DENND1B: variants seen among roughly 807,000 people sequenced by gnomAD.
DENND1B encodes DENN domain-containing protein 1B.
DENND1B carries 59 observed loss-of-function variants against 90.1 expected under a neutral mutation model. That is an observed-to-expected ratio of 0.65 (90% confidence interval 0.53 to 0.81). The LOEUF is 0.81. Ranked by LOEUF, DENND1B falls within the 40% of genes least tolerant of loss-of-function variation. DENND1B has a pLI of 0.00. For missense variants in DENND1B, 862 were observed against 912.6 expected (o/e 0.94, Z 0.71); for synonymous variants, 337 against 324.6 (o/e 1.04, Z -0.41).
At chr1:197,734,326 T>C (rs1662432069) in intron 2 of DENND1B, 2 of 955,872 alleles carry the variant, frequency 2.1e-6, no homozygotes, top group South Asian at 4.8e-5. Context: ...CATATGATGG[T>C]AGTGAAAGAT....
At chr1:197,553,144 CAAATA>C in intron 15 of DENND1B, 32 bp from the exon 16 acceptor site, 1 of 1,465,852 alleles carries the variant, frequency 6.8e-7, no homozygotes, top group Non-Finnish European at 9.1e-7. Flanking sequence ...TAAAATGTAT[CAAATA>C]AAATGTTATC....
chr1:197,635,952 G>T (rs1226654410), intron 10 of DENND1B, among the ~76,000 whole-genome samples: 1 of 150,174 alleles, frequency 6.7e-6, no homozygotes, highest in Non-Finnish European at 1.5e-5. Context: ...CAGATACATT[G>T]TAGTGACTGA....
At chr1:197,706,390 A>T (rs923422386) in intron 3 of DENND1B, among the ~76,000 whole-genome samples, 3 of 152,210 alleles carry the variant, frequency 2.0e-5, no homozygotes, top group Non-Finnish European at 4.4e-5. Context: ...CATAAAGAAA[A>T]CCTTAAAAGC....
intron 20 of DENND1B, among the ~76,000 whole-genome samples, chr1:197,521,419 T>C (rs1016880936): frequency 1.6e-4 from 24 of 151,866 alleles, no homozygotes; most frequent in East Asian, 1.9e-4. Context: ...ATAAGGGATA[T>C]AGGCAGACGA....
At chr1:197,676,023 G>T (rs1227082718) in intron 3 of DENND1B, among the ~76,000 whole-genome samples, 3 of 128,276 alleles carry the variant, frequency 2.3e-5, no homozygotes, top group African/African-American at 9.3e-5. Context: ...TTAAACCTCC[G>T]CACTCTTTAA....
intron 3 of DENND1B, among the ~76,000 whole-genome samples, chr1:197,685,359 G>C (rs1190961281): frequency 3.3e-5 from 5 of 152,128 alleles, no homozygotes; most frequent in Non-Finnish European, 1.5e-5. Context: ...TAACTTGGAA[G>C]GGAGACAACC....
In DENND1B at chr1:197,623,033, T is replaced by C. The variant is rs1678315238; in HGVS notation, c.673-5274A>G. 2.0e-5 allele frequency among the ~76,000 whole-genome samples: 3 copies of C among 151,312 alleles called. No homozygotes were observed. The Admixed American group carries it at 2.0e-4, about 10-fold the overall frequency. ...CAGGTAAAGGTATCATATAGACACA[T>C]TGCTACTCACACTATTCTAGCCTCT... is the stretch of plus-strand genomic sequence containing the variant. On this transcript the variant is annotated intron_variant, in intron 10 of 22. Transcript: ENST00000620048.
rs117900051 is a variant in DENND1B, at chr1:197,587,964, A to G, written c.1048-4711T>C. 6.7e-4 allele frequency among the ~76,000 whole-genome samples: 102 copies of G among 152,152 alleles called. No homozygotes were observed. In the East Asian group the frequency reaches 0.02, roughly 29 times the overall value. ...CCTAGATCCCTCACATATGCAGTTCATAATAGGGGTTTTGCTCCTATGAGA... is the reference window on the plus strand; with the variant it reads ...CCTAGATCCCTCACATATGCAGTTCGTAATAGGGGTTTTGCTCCTATGAGA... On this transcript the variant is annotated intron_variant, in intron 14 of 22. Transcript: ENST00000620048.
rs117605922 is a variant in DENND1B, at chr1:197,582,597, C to T, written c.1149+555G>A. 4.2e-3 allele frequency among the ~76,000 whole-genome samples: 641 copies of T among 152,230 alleles called. 15 individuals are homozygous for T. In the East Asian group the frequency reaches 0.046, roughly 11 times the overall value. On this transcript the variant is annotated intron_variant, in intron 15 of 22. Transcript: ENST00000620048. ...GACAGAAGCAGTGCATCCAAAATTT[C>T]TGAAATCTGATGTCTAGTTACTGCT...
intron 3 of DENND1B, among the ~76,000 whole-genome samples, chr1:197,705,995 G>A (rs1659495777): frequency 7.9e-5 from 1 of 12,658 alleles, no homozygotes; most frequent in Non-Finnish European, 1.4e-4. Flanking sequence ...CTTTTTGAGT[G>A]TAATTTCTAA....
chr1:197,660,166 A>G (rs1023764389), intron 5 of DENND1B, among the ~76,000 whole-genome samples: 7 of 151,940 alleles, frequency 4.6e-5, no homozygotes, highest in African/African-American at 1.7e-4. Flanking sequence ...AGTTTAGATG[A>G]TAACTCCAGA....
intron 2 of DENND1B, among the ~76,000 whole-genome samples, chr1:197,721,094 G>A (rs1661133180): frequency 7.8e-6 from 1 of 128,584 alleles, no homozygotes; most frequent in South Asian, 2.4e-4. Flanking sequence ...TTTTGAGACG[G>A]AGTCTCACTC....
At position 197,509,152 on chromosome 1, in the gene DENND1B, T is replaced by G. The variant is rs1264226313; in HGVS notation, c.*1308A>C. 6.6e-6 allele frequency: 1 copy of G among 151,720 alleles called. No homozygotes were observed. The highest frequency in any genetic ancestry group is 2.4e-5 in the African/African-American group (1 of 41,332). 9.4% of individuals were successfully genotyped at this position (151,720 alleles called of 1,614,324 possible). ...CCTGATGAAAATGGCACTTTACTTC[T>G]GTGATCATCTCCTCAAAACCCACAA... On this transcript the variant is annotated 3_prime_UTR_variant, in exon 23 of 23. Coordinates refer to ENST00000620048, the MANE Select transcript of DENND1B (RefSeq NM_001195215.2).
intron 2 of DENND1B, among the ~76,000 whole-genome samples, chr1:197,754,792 C>T (rs561589003): frequency 1.7e-4 from 25 of 150,808 alleles, no homozygotes; most frequent in Middle Eastern, 3.6e-3. Context: ...AACCAGTTTA[C>T]GGAAAATGCA....
At chr1:197,695,672 T>C (rs1197451201) in intron 3 of DENND1B, among the ~76,000 whole-genome samples, 4 of 73,704 alleles carry the variant, frequency 5.4e-5, no homozygotes, top group Admixed American at 1.4e-4. Flanking sequence ...ATAGTTGATA[T>C]AGAATGCAAT....
intron 20 of DENND1B, among the ~76,000 whole-genome samples, chr1:197,539,212 T>C (rs1430271809): frequency 6.6e-6 from 1 of 152,208 alleles, no homozygotes; most frequent in African/African-American, 2.4e-5. Context: ...TTATGGCAAG[T>C]GTTGTGACCA....
intron 20 of DENND1B, among the ~76,000 whole-genome samples, chr1:197,517,888 C>A (rs1440260943): frequency 2.6e-5 from 4 of 151,216 alleles, no homozygotes; most frequent in African/African-American, 7.3e-5. Flanking sequence ...ACCAAAACTT[C>A]TTTCTTCCTG....
intron 20 of DENND1B, among the ~76,000 whole-genome samples, chr1:197,524,090 C>T (rs987124301): frequency 4.0e-5 from 6 of 151,480 alleles, no homozygotes; most frequent in Non-Finnish European, 8.8e-5. Context: ...AAATGAAACA[C>T]AAAGGAAGAA....
At chr1:197,768,791 T>C (rs1360912595) in intron 2 of DENND1B, among the ~76,000 whole-genome samples, 1 of 152,122 alleles carries the variant, frequency 6.6e-6, no homozygotes, top group East Asian at 1.9e-4. Flanking sequence ...ATGGCATTTT[T>C]TTAGATTTGT....
Sources: gnomAD v4.1 joint callset for allele counts (sites outside exome capture counted in the v4.1 genomes callset) on GRCh38, gnomAD v4.1.1 for gene constraint, MANE v1.5 for transcripts, NCBI Gene and HGNC (gene_info 2026-07-23, HGNC 2026-07-21) for gene names.